The following NBAS variants were observed in gnomAD, a reference collection of about 807,000 sequenced individuals.
The protein encoded by NBAS is NBAS subunit of NRZ tethering complex.
NBAS carries 219 observed loss-of-function variants against 302.5 expected under a neutral mutation model. That is an observed-to-expected ratio of 0.72 (90% CI 0.65 to 0.81). NBAS has a LOEUF of 0.81. Among genes scored for constraint, NBAS ranks in the 30% least tolerant of loss-of-function variants. The pLI, the probability that NBAS is intolerant of heterozygous loss-of-function variation, is 0.00. For synonymous variants in NBAS, 1,118 were observed against 1,021.6 expected (o/e 1.09, Z -1.80); for missense variants, 2,932 against 2,841.6 (o/e 1.03, Z -0.72).
At chr2:15,055,721 A>G in the NBAS span, among the ~76,000 whole-genome samples, 1 of 152,192 alleles carries the variant, frequency 6.6e-6, no homozygotes, top group Non-Finnish European at 1.5e-5. Context: ...TAGGGAGAGG[A>G]ACAAGTTAGA....
chr2:15,009,485 T>C, the NBAS span, among the ~76,000 whole-genome samples: 2 of 151,812 alleles, frequency 1.3e-5, no homozygotes, highest in Non-Finnish European at 2.9e-5. Flanking sequence ...AAGCTCTATG[T>C]GGTTGTTACC....
At chr2:15,504,445 T>A (rs1041404895) in intron 10 of NBAS, among the ~76,000 whole-genome samples, 16 of 152,172 alleles carry the variant, frequency 1.1e-4, no homozygotes, top group Non-Finnish European at 1.6e-4. Flanking sequence ...AATGCTTTTT[T>A]AAATATATAA....
At chr2:15,549,498 G>A (rs1415496812) in intron 6 of NBAS, among the ~76,000 whole-genome samples, 1 of 152,098 alleles carries the variant, frequency 6.6e-6, no homozygotes, top group East Asian at 1.9e-4. Context: ...GGAGGCCAAG[G>A]CGGGAGGATC....
the NBAS span, among the ~76,000 whole-genome samples, chr2:14,976,435 A>T: frequency 3.3e-5 from 5 of 152,214 alleles, no homozygotes; most frequent in African/African-American, 1.2e-4. Context: ...TTTCTGAGAG[A>T]CATAGGAGCA....
At chr2:15,009,637 C>T in the NBAS span, among the ~76,000 whole-genome samples, 17 of 138,710 alleles carry the variant, frequency 1.2e-4, no homozygotes, top group African/African-American at 4.2e-4. Flanking sequence ...CACACACACA[C>T]ATATACACAT....
the NBAS span, among the ~76,000 whole-genome samples, chr2:15,031,462 G>A: frequency 1.3e-5 from 2 of 152,170 alleles, no homozygotes; most frequent in Non-Finnish European, 2.9e-5. Flanking sequence ...GACAATGAAT[G>A]CCAACTAATC....
chr2:14,898,965 G>T, the NBAS span, among the ~76,000 whole-genome samples: 8 of 152,260 alleles, frequency 5.3e-5, no homozygotes, highest in East Asian at 1.5e-3. Flanking sequence ...CTCACTTGGG[G>T]TCTCTCATGT....
intron 17 of NBAS, 51 bp from the exon 18 acceptor site, chr2:15,467,855 GT>G: frequency 7.1e-7 from 1 of 1,398,850 alleles, no homozygotes; most frequent in Non-Finnish European, 1.0e-6. Context: ...AAAACTTCGT[GT>G]TGTGAAAAGC....
chr2:14,997,200 A>G, the NBAS span, among the ~76,000 whole-genome samples: 1 of 152,198 alleles, frequency 6.6e-6, no homozygotes, highest in Non-Finnish European at 1.5e-5. Context: ...AGCAGAAAAG[A>G]GAAAAGTATT....
chr2:15,350,423 T>A (rs750239557), intron 35 of NBAS, among the ~76,000 whole-genome samples: 2 of 152,186 alleles, frequency 1.3e-5, no homozygotes, highest in Non-Finnish European at 2.9e-5. Context: ...TAGAGAATCA[T>A]CACGTCTTAA....
At chr2:15,040,174 G>A in the NBAS span, among the ~76,000 whole-genome samples, 6 of 152,170 alleles carry the variant, frequency 3.9e-5, no homozygotes, top group East Asian at 1.9e-4. Flanking sequence ...TCAAGAGCGT[G>A]GACTGTTTTT....
At chr2:15,312,571 C>G (rs570855589) in intron 38 of NBAS, among the ~76,000 whole-genome samples, 34 of 152,244 alleles carry the variant, frequency 2.2e-4, no homozygotes, top group Admixed American at 1.9e-3. Context: ...GCTACCATGC[C>G]CAGTCTCAAT....
intron 51 of NBAS, among the ~76,000 whole-genome samples, chr2:15,169,408 C>G (rs1409571936): frequency 6.6e-6 from 1 of 152,184 alleles, no homozygotes; most frequent in Non-Finnish European, 1.5e-5. Context: ...TGCCTTCTTT[C>G]CATCCCACTT....
the NBAS span, among the ~76,000 whole-genome samples, chr2:14,910,021 T>G: frequency 7.2e-5 from 11 of 152,224 alleles, no homozygotes; most frequent in Admixed American, 6.5e-4. Flanking sequence ...GGGAGCTTTC[T>G]CAGACCCGGT....
At chr2:15,409,963 C>T (rs1676603345) in intron 25 of NBAS, among the ~76,000 whole-genome samples, 2 of 152,086 alleles carry the variant, frequency 1.3e-5, no homozygotes, top group Non-Finnish European at 1.5e-5. Flanking sequence ...GTCACAGAGG[C>T]GTATTAATTG....
At chr2:15,421,019 C>G (rs944030713) in intron 23 of NBAS, among the ~76,000 whole-genome samples, 7 of 152,038 alleles carry the variant, frequency 4.6e-5, no homozygotes, top group African/African-American at 1.7e-4. Flanking sequence ...CAGTATGAGG[C>G]AAAATATGGG....
chr2:15,089,265 G>T, the NBAS span, among the ~76,000 whole-genome samples: 1 of 152,060 alleles, frequency 6.6e-6, no homozygotes, highest in African/African-American at 2.4e-5. Context: ...TACAGCATGA[G>T]CCACCGCACC....
the NBAS span, among the ~76,000 whole-genome samples, chr2:14,873,045 G>A: frequency 2.0e-5 from 3 of 152,318 alleles, no homozygotes; most frequent in African/African-American, 7.2e-5. Flanking sequence ...GGGGACTCTC[G>A]GCAGGTGGCC....
chr2:14,790,902 C>G, the NBAS span, among the ~76,000 whole-genome samples: 3 of 152,086 alleles, frequency 2.0e-5, no homozygotes, highest in Non-Finnish European at 4.4e-5. Context: ...GTTGCCCAGA[C>G]TGGAGTGCAA....
Sources: allele counts gnomAD v4.1 joint callset (sites outside exome capture counted in the v4.1 genomes callset), GRCh38; gene constraint gnomAD v4.1.1; transcripts MANE v1.5; gene names NCBI Gene and HGNC (gene_info 2026-07-23, HGNC 2026-07-21).